The following ROBO1 variants were observed in gnomAD, a reference collection of about 807,000 sequenced individuals.
ROBO1 encodes the protein roundabout homolog 1.
ROBO1 carries 149 observed loss-of-function variants against 195.9 expected under a neutral mutation model. The observed-to-expected ratio is 0.76, with a 90% CI of 0.67 to 0.87. The LOEUF is 0.87. ROBO1 is among the 40% of genes least tolerant of loss of function. The pLI, the probability that ROBO1 is intolerant of heterozygous loss-of-function variation, is 0.00. For synonymous variants in ROBO1, 816 were observed against 733.2 expected, an observed-to-expected ratio of 1.11 and a Z score of -1.82; for missense variants, 1,933 against 2,068.3, an observed-to-expected ratio of 0.93 and a Z score of 1.27.
intron 4 of ROBO1, among the ~76,000 whole-genome samples, chr3:78,751,647 C>G (rs1245851175): frequency 6.6e-6 from 1 of 152,108 alleles, no homozygotes; most frequent in African/African-American, 2.4e-5. Context: ...AAATTTCCCT[C>G]CTGACAATCA....
intron 1 of ROBO1, among the ~76,000 whole-genome samples, chr3:79,630,404 C>T (rs1037451360): frequency 1.2e-4 from 19 of 152,028 alleles, no homozygotes; most frequent in African/African-American, 4.6e-4. Flanking sequence ...ATGATCATCT[C>T]GATTGATGCA....
At chr3:79,512,786 T>C (rs1940773155) in intron 2 of ROBO1, 1 of 152,080 alleles carries the variant, frequency 6.6e-6, no homozygotes, top group African/African-American at 2.4e-5. Flanking sequence ...TAAACATAAA[T>C]AATATCATGG....
intron 1 of ROBO1, among the ~76,000 whole-genome samples, chr3:79,698,605 C>G (rs1474221111): frequency 6.6e-6 from 1 of 151,428 alleles, no homozygotes; most frequent in Non-Finnish European, 1.5e-5. Context: ...CTTTATTTCC[C>G]TCCTGAATTA....
chr3:79,354,136 A>C (rs540604647), intron 2 of ROBO1, among the ~76,000 whole-genome samples: 1 of 152,268 alleles, frequency 6.6e-6, no homozygotes, highest in East Asian at 1.9e-4. Context: ...CTATTACTGA[A>C]ACTGCTGCTA....
chr3:78,678,761 T>A (rs1437906384), intron 10 of ROBO1, among the ~76,000 whole-genome samples: 2 of 152,164 alleles, frequency 1.3e-5, no homozygotes, highest in African/African-American at 2.4e-5. Flanking sequence ...GACGAACTGA[T>A]ACCATTCCTT....
chr3:79,616,582 C>CTG (rs1292810828), intron 1 of ROBO1, among the ~76,000 whole-genome samples: 1 of 152,056 alleles, frequency 6.6e-6, no homozygotes, highest in Non-Finnish European at 1.5e-5. Flanking sequence ...CAGAAGGTGA[C>CTG]TGTGTGCTTC....
At chr3:79,257,134 T>C (rs914187532) in intron 2 of ROBO1, among the ~76,000 whole-genome samples, 1 of 152,160 alleles carries the variant, frequency 6.6e-6, no homozygotes, top group Non-Finnish European at 1.5e-5. Flanking sequence ...TGGTATAATG[T>C]TTGTAGAGGA....
At position 78,831,079 on chromosome 3, in the gene ROBO1, A is replaced by T. The variant is rs1450634766; in HGVS notation, c.500-84179T>A. On this transcript the variant is annotated intron_variant, in intron 4 of 30. Coordinates refer to ENST00000464233, the MANE Select transcript of ROBO1 (RefSeq NM_002941.4). ...ATGCTCCCACCACCACGCCTGGCTA[A>T]TTTTTCTATTTTTAGTAGAGACGGG... Among the ~76,000 whole-genome samples the T allele has an allele frequency of 2.6e-5, 4 of 151,454 alleles. No homozygotes were observed. The East Asian group carries it at 7.8e-4, about 30-fold the overall frequency.
rs146530030 is a variant in ROBO1 at position 79,658,827 on chromosome 3, G to A, written c.-50-68866C>T. ...TCTGTCGCCCAGGCTGAGGTGCAAT[G>A]GTACAATCCTGGCTCACTGCAACCT... is the stretch of plus-strand genomic sequence containing the variant. On this transcript the variant is annotated intron_variant, in intron 1 of 30. Coordinates refer to ENST00000464233, the MANE Select transcript of ROBO1 (RefSeq NM_002941.4). Among the ~76,000 whole-genome samples, 1,138 of 150,794 alleles carry A rather than the reference G, an allele frequency of 7.5e-3. 13 individuals are homozygous for A. Among genetic ancestry groups the A allele is most frequent in the Middle Eastern group, 0.024 (7 of 294 alleles).
At chr3:79,076,737 A>G (rs998955550) in intron 3 of ROBO1, among the ~76,000 whole-genome samples, 1 of 151,774 alleles carries the variant, frequency 6.6e-6, no homozygotes, top group Non-Finnish European at 1.5e-5. Flanking sequence ...ATTCAAAGGA[A>G]TGTTTCAATT....
intron 2 of ROBO1, among the ~76,000 whole-genome samples, chr3:79,309,177 T>C (rs2033365128): frequency 6.6e-6 from 1 of 152,190 alleles, no homozygotes; most frequent in South Asian, 2.1e-4. Context: ...TGTCTGTATG[T>C]GTGCCAGGAA....
At chr3:79,020,531 A>C (rs1173855786) in intron 3 of ROBO1, among the ~76,000 whole-genome samples, 2 of 152,116 alleles carry the variant, frequency 1.3e-5, no homozygotes, top group African/African-American at 4.8e-5. Flanking sequence ...GTCTCTACTA[A>C]AAATTCAAAA....
chr3:78,983,617 C>G (rs529030368), intron 3 of ROBO1, among the ~76,000 whole-genome samples: 1 of 152,162 alleles, frequency 6.6e-6, no homozygotes, highest in Non-Finnish European at 1.5e-5. Flanking sequence ...GGCTGAATCA[C>G]ACTTGACAAT....
intron 2 of ROBO1, among the ~76,000 whole-genome samples, chr3:79,267,541 C>T (rs2108960038): frequency 6.7e-6 from 1 of 149,634 alleles, no homozygotes; most frequent in South Asian, 2.1e-4. Flanking sequence ...TGTTTTAAAT[C>T]TATCTCTTTT....
intron 1 of ROBO1, among the ~76,000 whole-genome samples, chr3:79,698,648 TA>T (rs1947517404): frequency 6.6e-6 from 1 of 151,646 alleles, no homozygotes; most frequent in South Asian, 2.1e-4. Context: ...GGCAGATTTG[TA>T]GCTAAACTAC....
chr3:79,089,361 T>G (rs2108484636), intron 3 of ROBO1, among the ~76,000 whole-genome samples: 1 of 152,250 alleles, frequency 6.6e-6, no homozygotes, highest in East Asian at 1.9e-4. Context: ...TCCAGGTCAA[T>G]GACTAAAAAT....
chr3:79,602,071 A>G (rs868804852), intron 1 of ROBO1, among the ~76,000 whole-genome samples: 1 of 151,950 alleles, frequency 6.6e-6, no homozygotes, highest in Non-Finnish European at 1.5e-5. Flanking sequence ...TTAAGAGCAA[A>G]TACCTCTACA....
At chr3:79,530,010 G>A (rs1941583210) in intron 2 of ROBO1, among the ~76,000 whole-genome samples, 1 of 152,110 alleles carries the variant, frequency 6.6e-6, no homozygotes, top group Non-Finnish European at 1.5e-5. Context: ...GCTACTTGGA[G>A]AACCTTTCCT....
intron 4 of ROBO1, among the ~76,000 whole-genome samples, chr3:78,774,623 A>ATT (rs1559842295): frequency 0.39 from 58,560 of 149,950 alleles, 11,338 homozygotes; most frequent in South Asian, 0.49. Flanking sequence ...AAAAAAATCT[A>ATT]CCACTTGAAA....
Sources: gnomAD v4.1 joint callset for allele counts (sites outside exome capture counted in the v4.1 genomes callset) on GRCh38, gnomAD v4.1.1 for gene constraint, MANE v1.5 for transcripts, NCBI Gene and HGNC (gene_info 2026-07-23, HGNC 2026-07-21) for gene names.